Variants in C6orf118 observed in about 807,000 individuals in gnomAD.
C6orf118 encodes the protein chromosome 6 open reading frame 118, also known as uncharacterized protein C6orf118.
Under a neutral mutation model 50.2 loss-of-function variants are expected in C6orf118, and 50 were observed. The observed-to-expected ratio is 1.00, with a 90% CI of 0.79 to 1.26. C6orf118 has a LOEUF of 1.26. Ranked by LOEUF, C6orf118 falls within the 50% of genes most tolerant of loss-of-function variation. The probability of loss-of-function intolerance (pLI) is 0.00; values close to 1 mark genes in which losing one functional copy is unlikely to be tolerated. For synonymous variants in C6orf118, 239 were observed against 230.9 expected (o/e 1.03, Z -0.32); for missense variants, 641 against 578.7 (o/e 1.11, Z -1.10).
chr6:165,297,698 C>G (rs1323849688), intron 5 of C6orf118, among the ~76,000 whole-genome samples: 1 of 152,148 alleles, frequency 6.6e-6, no homozygotes, highest in Non-Finnish European at 1.5e-5. Context: ...CTGCAGCCCT[C>G]TCGCCTATCA....
At chr6:165,296,667 C>T (rs1780322373) in intron 5 of C6orf118, among the ~76,000 whole-genome samples, 1 of 152,196 alleles carries the variant, frequency 6.6e-6, no homozygotes, top group African/African-American at 2.4e-5. Flanking sequence ...GGTCCTCACT[C>T]TCTCTCTTGC....
chr6:165,281,303 C>T (rs950316341), intron 8 of C6orf118, among the ~76,000 whole-genome samples: 2 of 152,146 alleles, frequency 1.3e-5, no homozygotes, highest in Admixed American at 1.3e-4. Context: ...AGATTGAGGT[C>T]TAAATCTTAG....
chr6:165,286,131 TC>T (rs1779896209), intron 7 of C6orf118, among the ~76,000 whole-genome samples: 1 of 151,776 alleles, frequency 6.6e-6, no homozygotes, highest in Admixed American at 6.6e-5. Flanking sequence ...CAAACAACCA[TC>T]AAAGAATGCT....
rs199716970 is a variant in C6orf118 at position 165,298,015 on chromosome 6, G to C, written c.1023C>G (p.Leu341=). Residue 341 remains leucine, a synonymous_variant, in exon 5 of 9, where the codon CTC becomes CTG. Transcript: ENST00000230301. The stretch of plus-strand genomic sequence containing the variant: ...CCAGGGCTGCTTTTGTGGCTGTCAC[G>C]AGCATCCTCAGCTCTTCCCTGGCGA... ...MDLAREELRM[L]VTATKAALEQ... is the part of the protein sequence containing the mutation. 1 of 1,613,882 alleles carries C rather than the reference G, an allele frequency of 6.2e-7. No homozygotes were observed. The highest frequency in any genetic ancestry group is 1.3e-5 in the African/African-American group (1 of 75,014).
rs114294710 is a variant in C6orf118 at position 165,294,953 on chromosome 6, T to C, written c.1062-1482A>G. Among the ~76,000 whole-genome samples, 737 of 152,314 alleles carry C rather than the reference T, an allele frequency of 4.8e-3. 6 individuals carry two copies. The highest frequency in any genetic ancestry group is 0.017 in the African/African-American group (705 of 41,582). On this transcript the variant is annotated intron_variant, in intron 5 of 8. Transcript: ENST00000230301. ...ATGATGAAAGTCTTTTCAATATATGTAGTAAGAAAGTTTTATTTCCAGAAA... is the reference window on the plus strand; with the variant it reads ...ATGATGAAAGTCTTTTCAATATATGCAGTAAGAAAGTTTTATTTCCAGAAA...
At chr6:165,292,331 A>T (rs987986042) in intron 6 of C6orf118, among the ~76,000 whole-genome samples, 5 of 152,208 alleles carry the variant, frequency 3.3e-5, no homozygotes, top group African/African-American at 1.2e-4. Flanking sequence ...ATAATAAAGC[A>T]GGAAGAACCA....
At chr6:165,293,147 C>T in intron 6 of C6orf118, 1 of 400,284 alleles carries the variant, frequency 2.5e-6, no homozygotes, top group Non-Finnish European at 4.5e-6. Context: ...ATAAAATATT[C>T]ATAAAATGCA....
In C6orf118 at chr6:165,301,975, G is replaced by A. The variant is rs150870882; in HGVS notation, c.347C>T (p.Thr116Met). 1.3e-3 allele frequency: 2,109 copies of A among 1,613,586 alleles called. 2 individuals are homozygous for A. The highest frequency in any genetic ancestry group is 1.7e-3 in the Non-Finnish European group (2,019 of 1,179,978). Reference sequence around the variant, plus strand: ...CTGGGCCTCACTGGGGACCAGGGCCGTGTGGATGGTGAAGTGGGCCAGGGC... The same window carrying A: ...CTGGGCCTCACTGGGGACCAGGGCCATGTGGATGGTGAAGTGGGCCAGGGC... ...KEALAHFTIHTALVPSEAQDT... is the reference protein window; with the variant it reads ...KEALAHFTIHMALVPSEAQDT... The change falls in exon 2 of 9, where the codon ACG (threonine) becomes ATG (methionine). Residue 116 changes from threonine to methionine, a missense_variant. Thr to Met is a moderately conservative substitution (Grantham distance 81, BLOSUM62 -1). Coordinates refer to ENST00000230301, the MANE Select transcript of C6orf118 (RefSeq NM_144980.4).
chr6:165,295,490 T>G (rs1780258304), intron 5 of C6orf118, among the ~76,000 whole-genome samples: 1 of 152,214 alleles, frequency 6.6e-6, no homozygotes, highest in Non-Finnish European at 1.5e-5. Context: ...TCTCATTTTC[T>G]GTTCTTTTCT....
intron 6 of C6orf118, among the ~76,000 whole-genome samples, chr6:165,290,831 T>C (rs1236493366): frequency 6.6e-6 from 1 of 152,174 alleles, no homozygotes; most frequent in Non-Finnish European, 1.5e-5. Flanking sequence ...ACGCTGCTGA[T>C]AAAGACATAC....
chr6:165,292,791 G>C lies in C6orf118; in HGVS notation c.1120+622C>G, dbSNP rs1336845324. ...TGTGCAGGATCCAGCAGTGTTAACA[G>C]CACCCGTGCTGCTCATAGGTAGAAA... On this transcript the variant is annotated intron_variant, in intron 6 of 8. Transcript: ENST00000230301. Among the ~76,000 whole-genome samples the C allele has an allele frequency of 3.9e-5, 6 of 152,316 alleles. No homozygotes were observed. In the East Asian group the frequency reaches 7.7e-4, roughly 20 times the overall value.
Position 165,301,572 on chromosome 6 carries a change from C to A in C6orf118, c.750G>T (p.Gln250His). The stretch of plus-strand genomic sequence containing the variant: ...ACCGCAGGGCTGCCCTCCTCACCTG[C>A]TGCAGCTTTCTCTCGTGGCCCGCGG... ...KAAAGHERKLQQELQKICTCS... is the reference protein window; with the variant it reads ...KAAAGHERKLHQELQKICTCS... Residue 250 changes from glutamine (Q) to histidine (H), a missense_variant, in exon 2 of 9, where the codon CAG becomes CAT. Transcript: ENST00000230301. 7 of 1,610,212 alleles carry A rather than the reference C, an allele frequency of 4.3e-6. No homozygotes were observed. Among genetic ancestry groups the A allele is most frequent in the Non-Finnish European group, 5.9e-6 (7 of 1,178,174 alleles).
Position 165,302,004 on chromosome 6 carries a change from C to T in C6orf118, c.318G>A (p.Lys106=). 4 of 1,613,552 alleles carry T rather than the reference C, an allele frequency of 2.5e-6. No individual in the cohort carries two copies. Among genetic ancestry groups the T allele is most frequent in the Non-Finnish European group, 3.4e-6 (4 of 1,179,886 alleles). Residue 106 remains lysine, a synonymous_variant, in exon 2 of 9, where the codon AAG becomes AAA. Coordinates refer to ENST00000230301, the MANE Select transcript of C6orf118 (RefSeq NM_144980.4). ...GGATGGTGAAGTGGGCCAGGGCCTC[C>T]TTCATCCTCGCCACCTTCCCTGCGG... ...EPPAGKVARM[K]EALAHFTIHT... is the part of the protein sequence containing the mutation.
Position 165,289,969 on chromosome 6 carries a change from G to T in C6orf118, c.1219C>A (p.Gln407Lys), listed in dbSNP as rs1198327263. Residue 407 changes from glutamine to lysine, a missense_variant, in exon 7 of 9, where the codon CAA becomes AAA. Transcript: ENST00000230301. ...CEILSKWDEI[Q>K]ALEKEIKTTL... ...GTTTTAATTTCTTTTTCCAGAGCTT[G>T]TATCTCATCCCACTTACTGAGTATT... The T allele has an allele frequency of 1.2e-6, 2 of 1,610,766 alleles. No individual in the cohort carries two copies. Among genetic ancestry groups the T allele is most frequent in the Non-Finnish European group, 1.7e-6 (2 of 1,178,184 alleles).
At chr6:165,282,819 C>T (rs6928480) in intron 7 of C6orf118, among the ~76,000 whole-genome samples, 3,164 of 152,036 alleles carry the variant, frequency 0.021, 110 homozygotes, top group African/African-American at 0.074. Flanking sequence ...ATGGAATCTT[C>T]ATAGGGAGTT....
intron 1 of C6orf118, 131 bp downstream of exon 1, chr6:165,309,431 A>T: frequency 3.8e-6 from 4 of 1,058,990 alleles, no homozygotes; most frequent in Non-Finnish European, 5.7e-6. Flanking sequence ...AGCCCTAGTG[A>T]CCCTGGAGCC....
intron 8 of C6orf118, among the ~76,000 whole-genome samples, chr6:165,280,728 C>T (rs1357536423): frequency 1.3e-5 from 2 of 152,182 alleles, no homozygotes; most frequent in Non-Finnish European, 1.5e-5. Context: ...CTGTCATTCA[C>T]ATTTCCCTTT....
intron 7 of C6orf118, among the ~76,000 whole-genome samples, chr6:165,286,208 C>A (rs1288090526): frequency 6.6e-6 from 1 of 152,092 alleles, no homozygotes; most frequent in African/African-American, 2.4e-5. Flanking sequence ...GACACATGCA[C>A]CCTCCCAAGA....
chr6:165,299,741 C>A (rs1780447640), intron 3 of C6orf118, among the ~76,000 whole-genome samples: 1 of 152,148 alleles, frequency 6.6e-6, no homozygotes, highest in Admixed American at 6.5e-5. Context: ...AAATACCATA[C>A]AATAAAATAT....
Sources: gnomAD v4.1 joint callset for allele counts (sites outside exome capture counted in the v4.1 genomes callset) on GRCh38, gnomAD v4.1.1 for gene constraint, MANE v1.5 for transcripts, NCBI Gene and HGNC (gene_info 2026-07-23, HGNC 2026-07-21) for gene names.